Variants in CD3D observed in about 807,000 individuals in gnomAD.
The protein encoded by CD3D is T-cell surface glycoprotein CD3 delta chain.
A neutral mutation model predicts 22.0 loss-of-function variants in CD3D; 22 were observed. That is an observed-to-expected ratio of 1.00 (90% CI 0.71 to 1.43). CD3D has a LOEUF of 1.43. CD3D is among the 40% of genes most tolerant of loss of function. The pLI is 0.00. For synonymous variants in CD3D, 74 were observed against 81.2 expected, an observed-to-expected ratio of 0.91 and a Z score of 0.48; for missense variants, 205 against 211.7, an observed-to-expected ratio of 0.97 and a Z score of 0.20.
chr11:118,339,426 C>T (rs545408829), intron 4 of CD3D, 25 bp downstream of exon 4: 1 of 1,613,446 alleles, frequency 6.2e-7, no homozygotes, highest in Admixed American at 1.7e-5. Flanking sequence ...CCCTTCATTC[C>T]TGCCTCCTTC....
intron 3 of CD3D, 64 bp downstream of exon 3, chr11:118,339,711 C>CACAG: frequency 2.2e-6 from 1 of 464,916 alleles, no homozygotes; most frequent in East Asian, 1.7e-4. Flanking sequence ...CTCACTGGTA[C>CACAG]ACACACACAC....
downstream of CD3D, chr11:118,339,066 G>A (rs1948274663): frequency 1.8e-6 from 2 of 1,140,744 alleles, no homozygotes; most frequent in African/African-American, 1.5e-5. Context: ...AAGAAGCCCA[G>A]GCACCTGCTG....
At chr11:118,341,104 C>T (rs1027930218) in intron 1 of CD3D, among the ~76,000 whole-genome samples, 1 of 152,254 alleles carries the variant, frequency 6.6e-6, no homozygotes, top group Non-Finnish European at 1.5e-5. Flanking sequence ...AAGCGGGGCT[C>T]TCAACACTGA....
chr11:118,340,453 C>T lies in CD3D; in HGVS notation c.196G>A (p.Asp66Asn), dbSNP rs1181331750. ...TTACACCTATATATTCCTCGTGGGTCCAGGATGCGTTTTCCCAGGTCCAGT... is the reference window on the plus strand; with the variant it reads ...TTACACCTATATATTCCTCGTGGGTTCAGGATGCGTTTTCCCAGGTCCAGT... ...TRLDLGKRIL[D>N]PRGIYRCNGT... The change falls in exon 2 of 5, where the codon GAC becomes AAC. Residue 66 changes from aspartate to asparagine, a missense_variant. By Grantham distance (23) the Asp-to-Asn change is conservative. Transcript: ENST00000300692. The T allele has an allele frequency of 6.2e-7, 1 of 1,614,084 alleles. No homozygotes were observed. Among genetic ancestry groups the T allele is most frequent in the East Asian group, 2.2e-5 (1 of 44,872 alleles).
At chr11:118,339,565 A>G (rs1948280655) in intron 3 of CD3D, 71 bp from the exon 4 acceptor site, 1 of 1,591,584 alleles carries the variant, frequency 6.3e-7, no homozygotes, top group Non-Finnish European at 8.6e-7. Context: ...CCACACCCTC[A>G]GAAGTCTGCA....
intron 2 of CD3D, 25 bp downstream of exon 2, chr11:118,340,350 C>G (rs1234532656): frequency 1.9e-6 from 3 of 1,587,548 alleles, no homozygotes; most frequent in Non-Finnish European, 2.6e-6. Flanking sequence ...TCCATTCCAA[C>G]CCAAAGGGTT....
In CD3D at chr11:118,340,602, GA is replaced by G. The variant is rs1264668031; in HGVS notation, c.56-10del. 3 of 1,593,010 alleles carry G rather than the reference GA, an allele frequency of 1.9e-6. No individual in the cohort carries two copies. Among genetic ancestry groups the G allele is most frequent in the South Asian group, 1.1e-5 (1 of 90,330 alleles). On this transcript the variant is annotated splice_polypyrimidine_tract_variant and intron_variant, in intron 1 of 4. Coordinates refer to ENST00000300692, the MANE Select transcript of CD3D (RefSeq NM_000732.6). ...TATCTTGAAGGGGCTCACTAAAGGG[GA>G]AAAAATATCACAGTTGGAGACAGCT...
intron 1 of CD3D, 31 bp downstream of exon 1, chr11:118,342,522 C>A (rs1565518585): frequency 1.2e-6 from 2 of 1,605,094 alleles, no homozygotes; most frequent in Non-Finnish European, 1.7e-6. Flanking sequence ...CCTCTCAGGT[C>A]CCTTCCCCCA....
Position 118,342,686 on chromosome 11 carries a change from G to T in CD3D, c.-79C>A. ...GGGTGAGAGCTGCCCTCCCCTAGCTGACTCACAGGTACCGGAAAGAGGAGA... is the reference window on the plus strand; with the variant it reads ...GGGTGAGAGCTGCCCTCCCCTAGCTTACTCACAGGTACCGGAAAGAGGAGA... On this transcript the variant is annotated 5_prime_UTR_variant, in exon 1 of 5. Coordinates refer to ENST00000300692, the MANE Select transcript of CD3D (RefSeq NM_000732.6). 1 of 1,191,764 alleles carries T rather than the reference G, an allele frequency of 8.4e-7. No individual in the cohort carries two copies. Among genetic ancestry groups the T allele is most frequent in the Non-Finnish European group, 1.3e-6 (1 of 797,558 alleles). The allele number at this position is 1,191,764 out of a possible 1,614,324, so 73.8% of individuals were successfully genotyped here.
At chr11:118,338,992 G>A, downstream of CD3D, 1 of 714,810 alleles carries the variant, frequency 1.4e-6, no homozygotes, top group South Asian at 1.4e-5. Flanking sequence ...GGAAGAAACA[G>A]GTAGGTAGGA....
downstream of CD3D, chr11:118,339,063 C>G: frequency 9.0e-7 from 1 of 1,116,964 alleles, no homozygotes; most frequent in Non-Finnish European, 1.4e-6. Flanking sequence ...CTTAAGAAGC[C>G]CAGGCACCTG....
chr11:118,339,836 A>G lies in CD3D; in HGVS notation c.345T>C (p.Thr115=), dbSNP rs776882175. Residue 115 remains threonine, a synonymous_variant, in exon 3 of 5, where the codon ACT becomes ACC. Coordinates refer to ENST00000300692, the MANE Select transcript of CD3D (RefSeq NM_000732.6). ...AGAAGACTCCCAAAGCAAGGAGCAG[A>G]GTGGCAATGACATCAGTGACAATGA... The part of the protein sequence containing the change: ...AGIIVTDVIA[T]LLLALGVFCF... The G allele has an allele frequency of 1.1e-5, 18 of 1,614,006 alleles. No individual in the cohort carries two copies. The South Asian group carries it at 1.9e-4, about 17-fold the overall frequency.
chr11:118,339,133 G>C lies in CD3D; in HGVS notation c.*29C>G, dbSNP rs764502874. 1 of 1,594,224 alleles carries C rather than the reference G, an allele frequency of 6.3e-7. No homozygotes were observed. On this transcript the variant is annotated 3_prime_UTR_variant, in exon 5 of 5. Transcript: ENST00000300692. ...AGAAGGGAAGGTACAGTTGGTAATG[G>C]CTGCTTCTAGAAGCCACCAGTCTCA... is the stretch of plus-strand genomic sequence containing the variant.
rs578171268 is a variant in CD3D, at chr11:118,342,690, C to G, written c.-83G>C. On this transcript the variant is annotated 5_prime_UTR_variant, in exon 1 of 5. Transcript: ENST00000300692. Reference sequence around the variant, plus strand: ...GAGAGCTGCCCTCCCCTAGCTGACTCACAGGTACCGGAAAGAGGAGAGTGG... The same window carrying G: ...GAGAGCTGCCCTCCCCTAGCTGACTGACAGGTACCGGAAAGAGGAGAGTGG... 8.6e-7 allele frequency: 1 copy of G among 1,166,518 alleles called. No homozygotes were observed. The highest frequency in any genetic ancestry group is 1.5e-5 in the African/African-American group (1 of 65,940). The allele number at this position is 1,166,518 out of a possible 1,614,324, so 72.3% of individuals were successfully genotyped here.
Position 118,340,410 on chromosome 11 carries a change from T to C in CD3D, c.239A>G (p.Lys80Arg). Residue 80 changes from lysine (K) to arginine (R), a missense_variant, in exon 2 of 5, where the codon AAG becomes AGG. Transcript: ENST00000300692. Reference protein sequence around the residue: ...IYRCNGTDIYKDKESTVQVHY... With the variant: ...IYRCNGTDIYRDKESTVQVHY... ...AACTTGCACGGTAGATTCTTTGTCC[T>C]TGTATATATCTGTCCCATTACACCT... 1.2e-6 allele frequency: 2 copies of C among 1,614,150 alleles called. No homozygotes were observed. Among genetic ancestry groups the C allele is most frequent in the Non-Finnish European group, 1.7e-6 (2 of 1,179,984 alleles).
At position 118,339,202 on chromosome 11, in the gene CD3D, T is replaced by G. The variant is rs751892269; in HGVS notation, c.476A>C (p.Gln159Pro). The change falls in exon 5 of 5, where the codon CAG becomes CCG. Residue 159 changes from glutamine (Q) to proline (P), a missense_variant. Transcript: ENST00000300692. ...CCAGTTTCCTCCAAGGTGGCTGTAC[T>G]GAGCATCATCTCGATCTCGGAGGGG... ...YQPLRDRDDA[Q>P]YSHLGGNWAR... 9 of 1,613,906 alleles carry G rather than the reference T, an allele frequency of 5.6e-6. No homozygotes were observed. In the South Asian group the frequency reaches 8.8e-5, roughly 16 times the overall value.
chr11:118,340,317 A>G, intron 2 of CD3D, 58 bp downstream of exon 2: 1 of 1,339,072 alleles, frequency 7.5e-7, no homozygotes, highest in Non-Finnish European at 1.1e-6. Flanking sequence ...CTAGCCAGAA[A>G]GTTCTCACAT....
At position 118,342,660 on chromosome 11, in the gene CD3D, T is replaced by G; in HGVS notation, c.-53A>C. Reference sequence around the variant, plus strand: ...AAGCCAGGTCACCGAACTATCAGCCTGGGTGAGAGCTGCCCTCCCCTAGCT... The same window carrying G: ...AAGCCAGGTCACCGAACTATCAGCCGGGGTGAGAGCTGCCCTCCCCTAGCT... On this transcript the variant is annotated 5_prime_UTR_variant, in exon 1 of 5. Transcript: ENST00000300692. 1 of 1,527,438 alleles carries G rather than the reference T, an allele frequency of 6.5e-7. No individual in the cohort carries two copies. Among genetic ancestry groups the G allele is most frequent in the Non-Finnish European group, 9.1e-7 (1 of 1,101,784 alleles). 94.6% of individuals were successfully genotyped at this position (1,527,438 alleles called of 1,614,324 possible).
At chr11:118,341,681 A>G (rs1948301391) in intron 1 of CD3D, among the ~76,000 whole-genome samples, 1 of 152,146 alleles carries the variant, frequency 6.6e-6, no homozygotes, top group South Asian at 2.1e-4. Context: ...TTAGGTGACC[A>G]TTGGACCCAG....
Sources: gnomAD v4.1 joint callset for allele counts (sites outside exome capture counted in the v4.1 genomes callset) on GRCh38, gnomAD v4.1.1 for gene constraint, MANE v1.5 for transcripts, NCBI Gene and HGNC (gene_info 2026-07-23, HGNC 2026-07-21) for gene names.